HCN1: variants seen among roughly 807,000 people sequenced by gnomAD.
The protein encoded by HCN1 is hyperpolarization activated cyclic nucleotide gated potassium channel 1.
A neutral mutation model predicts 78.9 loss-of-function variants in HCN1; 13 were observed. That is an observed-to-expected ratio of 0.16 (90% CI 0.11 to 0.26). The LOEUF (loss-of-function observed/expected upper bound fraction) is 0.26, where lower values mean the gene tolerates loss of function less well. HCN1 is among the 10% of genes least tolerant of loss of function. The pLI, the probability that HCN1 is intolerant of heterozygous loss-of-function variation, is 1.00. For synonymous variants in HCN1, 552 were observed against 455.5 expected, an observed-to-expected ratio of 1.21 and a Z score of -2.70; for missense variants, 810 against 1,154.3, an observed-to-expected ratio of 0.70 and a Z score of 4.32.
intron 3 of HCN1, among the ~76,000 whole-genome samples, chr5:45,397,441 T>C (rs1325836881): frequency 6.6e-6 from 1 of 152,046 alleles, no homozygotes; most frequent in Non-Finnish European, 1.5e-5. Context: ...TTGTAACTTC[T>C]GATGTCATTT....
At chr5:45,385,707 C>T (rs904407742) in intron 4 of HCN1, among the ~76,000 whole-genome samples, 2 of 152,016 alleles carry the variant, frequency 1.3e-5, no homozygotes, top group South Asian at 2.1e-4. Context: ...GGTGAAAAAT[C>T]GGAGGAATTA....
Position 45,489,072 on chromosome 5 carries a change from C to T in HCN1, c.850-27065G>A, listed in dbSNP as rs913879055. 8.5e-5 allele frequency among the ~76,000 whole-genome samples: 13 copies of T among 152,150 alleles called. No homozygotes were observed. The East Asian group carries it at 2.5e-3, about 29-fold the overall frequency. On this transcript the variant is annotated intron_variant, in intron 2 of 7. Coordinates refer to ENST00000303230, the MANE Select transcript of HCN1 (RefSeq NM_021072.4). ...AGACAGGTAAGGCCTCAAGAAATTCCTGAGCAGGGAATCGTTAACTTGGAG... is the reference window on the plus strand; with the variant it reads ...AGACAGGTAAGGCCTCAAGAAATTCTTGAGCAGGGAATCGTTAACTTGGAG...
chr5:45,410,737 A>G (rs1192018488), intron 3 of HCN1, among the ~76,000 whole-genome samples: 5 of 152,078 alleles, frequency 3.3e-5, no homozygotes, highest in Non-Finnish European at 7.4e-5. Context: ...CCTGCTGTGT[A>G]AGCCTGTGTA....
chr5:45,255,651 G>A lies in HCN1; in HGVS notation c.*6270C>T, dbSNP rs766190751. 1 of 152,182 alleles carries A rather than the reference G, an allele frequency of 6.6e-6. No homozygotes were observed. The highest frequency in any genetic ancestry group is 2.1e-4 in the South Asian group (1 of 4,836). The allele number at this position is 152,182 out of a possible 1,614,324, so 9.4% of individuals were successfully genotyped here. ...AACAAGATTTAATTTTGAATGCTTGGAAACTAAGACCTTGAACAAATATGA... is the reference window on the plus strand; with the variant it reads ...AACAAGATTTAATTTTGAATGCTTGAAAACTAAGACCTTGAACAAATATGA... On this transcript the variant is annotated 3_prime_UTR_variant, in exon 8 of 8. Transcript: ENST00000303230.
At chr5:45,547,798 T>C (rs564516990) in intron 2 of HCN1, among the ~76,000 whole-genome samples, 9 of 152,068 alleles carry the variant, frequency 5.9e-5, no homozygotes, top group Admixed American at 3.9e-4. Flanking sequence ...TAAAATGCTA[T>C]AATGGATAGG....
chr5:45,641,003 T>C (rs1317667505), intron 2 of HCN1, among the ~76,000 whole-genome samples: 1 of 151,622 alleles, frequency 6.6e-6, no homozygotes, highest in Non-Finnish European at 1.5e-5. Flanking sequence ...GTGACAATGG[T>C]GAGACCAGGG....
intron 3 of HCN1, among the ~76,000 whole-genome samples, chr5:45,423,793 A>G (rs190986252): frequency 2.0e-4 from 30 of 152,254 alleles, no homozygotes; most frequent in Admixed American, 1.3e-3. Context: ...CCAAACATCT[A>G]AACTCCAAAA....
chr5:45,539,697 A>G (rs1032032289), intron 2 of HCN1, among the ~76,000 whole-genome samples: 1 of 148,556 alleles, frequency 6.7e-6, no homozygotes, highest in African/African-American at 2.4e-5. Context: ...ATTTTAAAAA[A>G]TATTATTTTA....
Position 45,260,301 on chromosome 5 carries a change from A to C in HCN1, c.*1620T>G, listed in dbSNP as rs1457352435. 3.3e-5 allele frequency: 5 copies of C among 152,204 alleles called. No individual in the cohort carries two copies. In the East Asian group the frequency reaches 9.6e-4, roughly 29 times the overall value. The allele number at this position is 152,204 out of a possible 1,614,324, so 9.4% of individuals were successfully genotyped here. A position where few individuals can be genotyped will look rare whatever the true frequency, so the allele number is the denominator to read the frequency against. ...CGCAGCCAGTTGTTAGGAATCTTTC[A>C]ATTGTGTTCCAGTCATACTCCACAT... On this transcript the variant is annotated 3_prime_UTR_variant, in exon 8 of 8. Coordinates refer to ENST00000303230, the MANE Select transcript of HCN1 (RefSeq NM_021072.4).
At chr5:45,345,217 T>A (rs1477032450) in intron 5 of HCN1, among the ~76,000 whole-genome samples, 2 of 152,106 alleles carry the variant, frequency 1.3e-5, no homozygotes, top group Non-Finnish European at 2.9e-5. Flanking sequence ...GGGCACCAAG[T>A]CCCTAGGCTG....
At chr5:45,465,815 C>T (rs887726885) in intron 2 of HCN1, among the ~76,000 whole-genome samples, 7 of 152,032 alleles carry the variant, frequency 4.6e-5, no homozygotes, top group African/African-American at 1.7e-4. Flanking sequence ...AGACTACAAA[C>T]AATGTCTTTA....
chr5:45,583,605 T>C (rs984780808), intron 2 of HCN1, among the ~76,000 whole-genome samples: 12 of 152,334 alleles, frequency 7.9e-5, no homozygotes, highest in African/African-American at 2.9e-4. Flanking sequence ...CTAGTTCTTT[T>C]AATTGTGATG....
Position 45,379,286 on chromosome 5 carries a change from G to A in HCN1, c.1230+17206C>T, listed in dbSNP as rs910227261. 5.9e-5 allele frequency among the ~76,000 whole-genome samples: 9 copies of A among 152,142 alleles called. 1 individual carries two copies. In the South Asian group the frequency reaches 1.9e-3, roughly 32 times the overall value. On this transcript the variant is annotated intron_variant, in intron 4 of 7. Coordinates refer to ENST00000303230, the MANE Select transcript of HCN1 (RefSeq NM_021072.4). ...CTCCACATCCTCTCTAGCACCTGTT[G>A]TTTCCTGACTTTTTAATGAGCTCTT...
intron 2 of HCN1, among the ~76,000 whole-genome samples, chr5:45,596,824 T>G (rs1452169986): frequency 6.6e-6 from 1 of 152,316 alleles, no homozygotes; most frequent in South Asian, 2.1e-4. Context: ...TAAATTAGAA[T>G]AGCTCTAGAA....
At chr5:45,664,323 G>T (rs2112064759) in intron 1 of HCN1, among the ~76,000 whole-genome samples, 1 of 137,090 alleles carries the variant, frequency 7.3e-6, no homozygotes, top group South Asian at 2.6e-4. Context: ...TCGGGGGAGG[G>T]GGAGGGATAG....
At chr5:45,672,402 G>C (rs1746168224) in intron 1 of HCN1, among the ~76,000 whole-genome samples, 2 of 151,456 alleles carry the variant, frequency 1.3e-5, no homozygotes, top group Non-Finnish European at 3.0e-5. Flanking sequence ...TGAACAGACA[G>C]AAGGATGTTT....
intron 2 of HCN1, among the ~76,000 whole-genome samples, chr5:45,523,271 G>T (rs1241876868): frequency 1.3e-5 from 2 of 152,092 alleles, no homozygotes; most frequent in African/African-American, 4.8e-5. Context: ...TTGGACATTT[G>T]GGTTGGTTCC....
intron 2 of HCN1, among the ~76,000 whole-genome samples, chr5:45,551,933 C>T (rs1743378291): frequency 6.6e-6 from 1 of 151,774 alleles, no homozygotes; most frequent in African/African-American, 2.4e-5. Flanking sequence ...TGCACAATGC[C>T]ATTGGTTTTA....
intron 2 of HCN1, chr5:45,576,151 G>T (rs1037511314): frequency 6.6e-6 from 1 of 152,076 alleles, no homozygotes; most frequent in African/African-American, 2.4e-5. Flanking sequence ...AATAATAAAA[G>T]AACTAGAATT....
Sources: gnomAD v4.1 joint callset for allele counts (sites outside exome capture counted in the v4.1 genomes callset) on GRCh38, gnomAD v4.1.1 for gene constraint, MANE v1.5 for transcripts, NCBI Gene and HGNC (gene_info 2026-07-23, HGNC 2026-07-21) for gene names.